SCHIP1: variants seen among roughly 807,000 people sequenced by gnomAD.
The protein encoded by SCHIP1 is schwannomin interacting protein 1.
SCHIP1 carries 8 observed loss-of-function variants against 29.7 expected under a neutral mutation model. The ratio of observed to expected loss-of-function variants is 0.27; its 90% CI spans 0.16 to 0.49. The LOEUF is 0.49. Ranked by LOEUF, SCHIP1 falls within the 20% of genes least tolerant of loss-of-function variation. The probability of loss-of-function intolerance (pLI) is 0.99; values close to 1 mark genes in which losing one functional copy is unlikely to be tolerated. For synonymous variants in SCHIP1, 76 were observed against 94.9 expected (o/e 0.80, Z 1.16); for missense variants, 193 against 294.6 (o/e 0.66, Z 2.52).
chr3:159,293,490 G>A, the SCHIP1 span, among the ~76,000 whole-genome samples: 1 of 151,934 alleles, frequency 6.6e-6, no homozygotes, highest in African/African-American at 2.4e-5. Flanking sequence ...GTGGTACGGA[G>A]GTCACAATTT....
At chr3:159,681,277 G>C in the SCHIP1 span, among the ~76,000 whole-genome samples, 1 of 149,776 alleles carries the variant, frequency 6.7e-6, no homozygotes, top group South Asian at 2.1e-4. Context: ...ATTTCCAGAA[G>C]AGGAGAAATG....
the SCHIP1 span, among the ~76,000 whole-genome samples, chr3:159,833,740 T>C: frequency 6.6e-6 from 1 of 152,182 alleles, no homozygotes; most frequent in African/African-American, 2.4e-5. Context: ...AGCTGCCTCT[T>C]ACACCTTCAA....
At chr3:159,335,721 A>C in the SCHIP1 span, among the ~76,000 whole-genome samples, 1 of 152,006 alleles carries the variant, frequency 6.6e-6, no homozygotes, top group Non-Finnish European at 1.5e-5. Context: ...TATGTGCCAC[A>C]TTTTCTTAAT....
chr3:159,537,756 A>G, the SCHIP1 span, among the ~76,000 whole-genome samples: 1 of 152,298 alleles, frequency 6.6e-6, no homozygotes, highest in South Asian at 2.1e-4. Flanking sequence ...CTACATTTAC[A>G]TTTGTTAAAA....
At chr3:159,610,655 G>C in the SCHIP1 span, among the ~76,000 whole-genome samples, 1 of 152,084 alleles carries the variant, frequency 6.6e-6, no homozygotes. Flanking sequence ...TGTAAAGCTG[G>C]AAAACTGGTT....
At chr3:159,717,637 G>A in the SCHIP1 span, among the ~76,000 whole-genome samples, 4 of 152,256 alleles carry the variant, frequency 2.6e-5, no homozygotes, top group Admixed American at 2.6e-4. Context: ...CAGAAGAAAT[G>A]GGTAAATTCC....
the SCHIP1 span, among the ~76,000 whole-genome samples, chr3:159,294,550 A>G: frequency 1.3e-5 from 2 of 152,168 alleles, no homozygotes; most frequent in Non-Finnish European, 2.9e-5. Flanking sequence ...CATGATTTGT[A>G]ATTTTATTTG....
chr3:159,342,117 A>G, the SCHIP1 span, among the ~76,000 whole-genome samples: 2 of 152,088 alleles, frequency 1.3e-5, no homozygotes, highest in Non-Finnish European at 2.9e-5. Context: ...TTTGCTTCAC[A>G]CTGTGGGTCT....
At chr3:159,729,140 C>G in the SCHIP1 span, among the ~76,000 whole-genome samples, 2 of 148,970 alleles carry the variant, frequency 1.3e-5, no homozygotes, top group African/African-American at 5.1e-5. Flanking sequence ...AGGTGAGACT[C>G]TGTCTAAAAA....
the SCHIP1 span, among the ~76,000 whole-genome samples, chr3:159,683,196 G>A: frequency 6.6e-6 from 1 of 151,932 alleles, no homozygotes; most frequent in Non-Finnish European, 1.5e-5. Context: ...GATTACAGGC[G>A]CACACCACCA....
the SCHIP1 span, among the ~76,000 whole-genome samples, chr3:159,424,932 A>T: frequency 5.9e-5 from 9 of 152,272 alleles, no homozygotes; most frequent in South Asian, 4.2e-4. Context: ...TTTCATATCC[A>T]GCCAAACTAA....
the SCHIP1 span, among the ~76,000 whole-genome samples, chr3:159,599,030 T>C: frequency 6.6e-6 from 1 of 152,276 alleles, no homozygotes; most frequent in Admixed American, 6.5e-5. Context: ...GTATAGCCAC[T>C]CCTATTTGCT....
At chr3:159,395,732 A>G in the SCHIP1 span, among the ~76,000 whole-genome samples, 1 of 151,716 alleles carries the variant, frequency 6.6e-6, no homozygotes, top group African/African-American at 2.4e-5. Flanking sequence ...GGAGAGCTTT[A>G]CTTCCAAGTA....
the SCHIP1 span, among the ~76,000 whole-genome samples, chr3:159,480,505 A>C: frequency 6.6e-6 from 1 of 152,168 alleles, no homozygotes; most frequent in Non-Finnish European, 1.5e-5. Flanking sequence ...GAATAATTTA[A>C]TCTTACCTCT....
the SCHIP1 span, among the ~76,000 whole-genome samples, chr3:159,691,962 G>T: frequency 6.6e-6 from 1 of 151,594 alleles, no homozygotes. Flanking sequence ...TTTCTGCAGA[G>T]AGATCTGCTC....
At chr3:159,691,535 G>A in the SCHIP1 span, among the ~76,000 whole-genome samples, 7 of 150,670 alleles carry the variant, frequency 4.6e-5, no homozygotes, top group African/African-American at 7.3e-5. Context: ...CACACCAATC[G>A]GTCTTGACTC....
At chr3:159,852,788 G>GA (rs1712813138) in intron 1 of SCHIP1, among the ~76,000 whole-genome samples, 1 of 152,092 alleles carries the variant, frequency 6.6e-6, no homozygotes, top group African/African-American at 2.4e-5. Context: ...GTTAAAGGGG[G>GA]AAAAAAGCAA....
intron 1 of SCHIP1, among the ~76,000 whole-genome samples, chr3:159,855,953 G>C (rs1165969104): frequency 6.6e-6 from 1 of 152,182 alleles, no homozygotes; most frequent in Non-Finnish European, 1.5e-5. Context: ...TTGACTGTAA[G>C]AAAGATGTTT....
the SCHIP1 span, among the ~76,000 whole-genome samples, chr3:159,646,788 C>T: frequency 6.6e-6 from 1 of 152,054 alleles, no homozygotes; most frequent in Non-Finnish European, 1.5e-5. Context: ...GGCACACAGG[C>T]AAAAGTGCTC....
Sources: allele counts gnomAD v4.1 joint callset (sites outside exome capture counted in the v4.1 genomes callset), GRCh38; gene constraint gnomAD v4.1.1; transcripts MANE v1.5; gene names NCBI Gene and HGNC (gene_info 2026-07-23, HGNC 2026-07-21).